The following PVT1 variants were observed in gnomAD, a reference collection of about 807,000 sequenced individuals.
The protein encoded by PVT1 is CXCR4/PVT1 fusion.
intron 4 of PVT1, among the ~76,000 whole-genome samples, chr8:128,063,746 C>T (rs995277244): frequency 3.3e-5 from 5 of 152,110 alleles, no homozygotes; most frequent in Non-Finnish European, 7.4e-5. Flanking sequence ...AAAGGATATA[C>T]AATTTCAGTT....
At chr8:127,991,323 T>G (rs987689788) in intron 4 of PVT1, among the ~76,000 whole-genome samples, 2 of 151,964 alleles carry the variant, frequency 1.3e-5, no homozygotes, top group Admixed American at 6.6e-5. Flanking sequence ...TTTTTGTATT[T>G]TTATTAGAGA....
chr8:127,839,574 G>GAAAAAAAAAAAAAAAAAAAAAAAATA (rs61194690), intron 2 of PVT1, among the ~76,000 whole-genome samples: 1 of 134,332 alleles, frequency 7.4e-6, no homozygotes, highest in Non-Finnish European at 1.6e-5. Context: ...AAAAAAAAAT[G>GAAAAAAAAAAAAAAAAAAAAAAAATA]AAAAAAAAAA....
At chr8:127,851,349 T>C (rs1815105422) in intron 2 of PVT1, among the ~76,000 whole-genome samples, 1 of 152,180 alleles carries the variant, frequency 6.6e-6, no homozygotes. Flanking sequence ...GGCCATGGAA[T>C]TAGAGAATCT....
intron 2 of PVT1, among the ~76,000 whole-genome samples, chr8:127,809,028 T>TC (rs1814559487): frequency 1.3e-4 from 1 of 7,982 alleles, no homozygotes; most frequent in Non-Finnish European, 1.8e-4. Context: ...AGATTCCATC[T>TC]CAAAAAAAAA....
At chr8:128,056,210 T>C (rs1244815445) in intron 4 of PVT1, among the ~76,000 whole-genome samples, 1 of 152,178 alleles carries the variant, frequency 6.6e-6, no homozygotes, top group Non-Finnish European at 1.5e-5. Context: ...CTCAGGTTCC[T>C]TATAAAGGAA....
intron 3 of PVT1, among the ~76,000 whole-genome samples, chr8:127,907,734 C>A (rs371246752): frequency 6.6e-6 from 1 of 152,148 alleles, no homozygotes; most frequent in Admixed American, 6.5e-5. Flanking sequence ...TATTTTTCCA[C>A]GAAATCCTCA....
intron 3 of PVT1, among the ~76,000 whole-genome samples, chr8:127,931,842 C>A (rs1816209475): frequency 6.6e-6 from 1 of 152,260 alleles, no homozygotes; most frequent in Non-Finnish European, 1.5e-5. Flanking sequence ...TTTTGCCAAT[C>A]CCCAAATACG....
chr8:127,954,129 C>T (rs983286855), intron 3 of PVT1, among the ~76,000 whole-genome samples: 1 of 152,044 alleles, frequency 6.6e-6, no homozygotes, highest in Non-Finnish European at 1.5e-5. Flanking sequence ...AGTTGACCTC[C>T]GTTACTCTTA....
At chr8:128,079,260 G>T (rs1563682047) in intron 5 of PVT1, among the ~76,000 whole-genome samples, 1 of 152,014 alleles carries the variant, frequency 6.6e-6, no homozygotes, top group Non-Finnish European at 1.5e-5. Flanking sequence ...TTAGATCAAA[G>T]GATATGACTG....
chr8:127,959,787 G>T (rs535569529), intron 3 of PVT1, among the ~76,000 whole-genome samples: 2 of 152,268 alleles, frequency 1.3e-5, no homozygotes, highest in East Asian at 3.9e-4. Context: ...AATGGCAGAA[G>T]GGGGTTGGGA....
In PVT1 at chr8:127,946,800, C is replaced by T. The variant is rs568534919; in HGVS notation, n.783-42362C>T. On this transcript the variant is annotated intron_variant and non_coding_transcript_variant, in intron 3 of 10. Coordinates refer to ENST00000651587, the Ensembl canonical transcript of PVT1. ...TCACTTGTTGGAATTCCTAGAATCC[C>T]AGAAAAGTAAGTTTAAGTTTTCTTC... The T allele has an allele frequency of 5.2e-5, 8 of 154,016 alleles. No homozygotes were observed. The South Asian group carries it at 1.6e-3, about 31-fold the overall frequency. The allele number at this position is 154,016 out of a possible 1,614,324, so 9.5% of individuals were successfully genotyped here. A position where few individuals can be genotyped will look rare whatever the true frequency, so the allele number is the denominator to read the frequency against.
intron 2 of PVT1, among the ~76,000 whole-genome samples, chr8:127,882,885 C>G (rs538911454): frequency 6.6e-6 from 1 of 152,110 alleles, no homozygotes; most frequent in Admixed American, 6.6e-5. Flanking sequence ...AACTGCTGCC[C>G]CATTGACCGG....
chr8:127,809,029 C>CAAAAAAAA (rs1158760672), intron 2 of PVT1, among the ~76,000 whole-genome samples: 1,144 of 26,712 alleles, frequency 0.043, 3 homozygotes, highest in Non-Finnish European at 0.058. Context: ...GATTCCATCT[C>CAAAAAAAA]AAAAAAAAAA....
chr8:127,888,230 G>A (rs1039326684), intron 2 of PVT1, among the ~76,000 whole-genome samples: 3 of 152,236 alleles, frequency 2.0e-5, no homozygotes, highest in South Asian at 2.1e-4. Flanking sequence ...GTGAGCCACC[G>A]CACTGGGCTG....
chr8:127,875,363 G>GTC (rs139309505), intron 2 of PVT1, among the ~76,000 whole-genome samples: 22,607 of 149,638 alleles, frequency 0.15, 1,974 homozygotes, highest in East Asian at 0.27. Context: ...CTCTGTCTCT[G>GTC]TCTCTCTCTC....
At chr8:127,846,507 G>A (rs573429701) in intron 2 of PVT1, among the ~76,000 whole-genome samples, 2 of 152,244 alleles carry the variant, frequency 1.3e-5, no homozygotes, top group Admixed American at 1.3e-4. Flanking sequence ...TCCTTTACAT[G>A]TGAGCATTCT....
chr8:128,046,965 T>G (rs1437160746), intron 4 of PVT1, among the ~76,000 whole-genome samples: 1 of 152,174 alleles, frequency 6.6e-6, no homozygotes, highest in African/African-American at 2.4e-5. Context: ...TCCCCCACAG[T>G]GTCTTCAGTG....
At chr8:128,016,218 G>A (rs1446762073) in intron 4 of PVT1, among the ~76,000 whole-genome samples, 2 of 151,844 alleles carry the variant, frequency 1.3e-5, no homozygotes, top group South Asian at 2.1e-4. Flanking sequence ...TGGAGATTGC[G>A]GTGAACCAAG....
intron 3 of PVT1, among the ~76,000 whole-genome samples, chr8:127,893,180 CA>C (rs1364412801): frequency 6.6e-6 from 1 of 152,192 alleles, no homozygotes; most frequent in Non-Finnish European, 1.5e-5. Flanking sequence ...GTCTACAGGG[CA>C]CATAGCACAT....
Sources: gnomAD v4.1 joint callset for allele counts (sites outside exome capture counted in the v4.1 genomes callset) on GRCh38, gnomAD v4.1.1 for gene constraint, MANE v1.5 for transcripts, NCBI Gene and HGNC (gene_info 2026-07-23, HGNC 2026-07-21) for gene names.